Variants in TCF4 observed in about 807,000 individuals in gnomAD.
TCF4 encodes the protein SL3-3 enhancer factor 2.
TCF4 carries 3 observed loss-of-function variants against 82.1 expected under a neutral mutation model. The observed-to-expected ratio is 0.04, with a 90% CI of 0.02 to 0.09. The LOEUF (loss-of-function observed/expected upper bound fraction) is 0.09, where lower values mean the gene tolerates loss of function less well. Ranked by LOEUF, TCF4 falls within the 10% of genes least tolerant of loss-of-function variation. TCF4 has a pLI of 1.00. For missense variants in TCF4, 518 were observed against 852.7 expected (o/e 0.61, Z 4.89); for synonymous variants, 276 against 309.6 (o/e 0.89, Z 1.14).
At chr18:55,367,820 AATAG>A (rs1330610528) in intron 6 of TCF4, among the ~76,000 whole-genome samples, 1 of 152,270 alleles carries the variant, frequency 6.6e-6, no homozygotes, top group Non-Finnish European at 1.5e-5. Flanking sequence ...ATGAATGATT[AATAG>A]ATAGTTAAAC....
chr18:55,441,401 G>C (rs566631129), intron 5 of TCF4, among the ~76,000 whole-genome samples: 2 of 152,178 alleles, frequency 1.3e-5, no homozygotes, highest in East Asian at 3.9e-4. Context: ...GTACATTCAC[G>C]ATCACTATTT....
chr18:55,407,667 A>G (rs1461658863), intron 5 of TCF4, among the ~76,000 whole-genome samples: 2 of 144,006 alleles, frequency 1.4e-5, no homozygotes, highest in East Asian at 4.1e-4. Context: ...AAAAAAAAAA[A>G]GTCAATGTTT....
intron 5 of TCF4, among the ~76,000 whole-genome samples, chr18:55,447,043 G>A (rs1280136156): frequency 6.6e-6 from 1 of 151,760 alleles, no homozygotes; most frequent in Non-Finnish European, 1.5e-5. Flanking sequence ...GGACACAGTG[G>A]CTCACACTTG....
At chr18:55,310,114 G>A (rs985286755) in intron 8 of TCF4, among the ~76,000 whole-genome samples, 3 of 152,186 alleles carry the variant, frequency 2.0e-5, no homozygotes, top group Non-Finnish European at 4.4e-5. Flanking sequence ...ACTTATAGAT[G>A]GTTACAGATG....
At chr18:55,403,810 CTT>C in intron 5 of TCF4, 1 of 1,501,692 alleles carries the variant, frequency 6.7e-7, no homozygotes, top group East Asian at 2.5e-5. Flanking sequence ...CTTATTTTCA[CTT>C]TCTCTTGCAC....
At chr18:55,305,321 C>T (rs1022643461) in intron 8 of TCF4, among the ~76,000 whole-genome samples, 9 of 152,036 alleles carry the variant, frequency 5.9e-5, no homozygotes, top group African/African-American at 2.2e-4. Flanking sequence ...TACAATTTTT[C>T]GATCTAAGTA....
At chr18:55,584,989 A>G (rs1222428089) in intron 3 of TCF4, among the ~76,000 whole-genome samples, 2 of 152,164 alleles carry the variant, frequency 1.3e-5, no homozygotes, top group Non-Finnish European at 2.9e-5. Flanking sequence ...CCATGTTAAC[A>G]CTGGTCTTAT....
chr18:55,325,319 T>C (rs191485369), intron 8 of TCF4, among the ~76,000 whole-genome samples: 2 of 152,296 alleles, frequency 1.3e-5, no homozygotes, highest in South Asian at 2.1e-4. Flanking sequence ...TAAAGAATAA[T>C]GCTTTAATTG....
intron 3 of TCF4, among the ~76,000 whole-genome samples, chr18:55,513,369 CTTTT>C (rs71167299): frequency 4.2e-5 from 6 of 142,028 alleles, no homozygotes; most frequent in Admixed American, 2.1e-4. Context: ...TAGCCCTCAG[CTTTT>C]TTTTTTTTTT....
intron 6 of TCF4, among the ~76,000 whole-genome samples, chr18:55,374,628 C>T (rs1362035700): frequency 1.3e-5 from 2 of 151,932 alleles, no homozygotes; most frequent in African/African-American, 2.4e-5. Context: ...TTGCCAGGCG[C>T]GGTGGCTCAC....
intron 3 of TCF4, among the ~76,000 whole-genome samples, chr18:55,527,752 A>G (rs929759115): frequency 2.6e-5 from 4 of 152,080 alleles, no homozygotes; most frequent in African/African-American, 9.7e-5. Context: ...AAATCCAAGA[A>G]TTTTTTTTAG....
intron 8 of TCF4, among the ~76,000 whole-genome samples, chr18:55,338,129 C>T (rs1309430046): frequency 1.3e-5 from 2 of 152,122 alleles, no homozygotes; most frequent in Non-Finnish European, 2.9e-5. Context: ...TTCCCTTAGC[C>T]CATTCTGATG....
intron 3 of TCF4, among the ~76,000 whole-genome samples, chr18:55,549,933 C>T (rs1336005231): frequency 2.0e-5 from 3 of 152,188 alleles, no homozygotes; most frequent in African/African-American, 7.2e-5. Flanking sequence ...GAACTATATA[C>T]AGATAATATC....
At chr18:55,559,835 G>C (rs1395786815) in intron 3 of TCF4, among the ~76,000 whole-genome samples, 1 of 152,006 alleles carries the variant, frequency 6.6e-6, no homozygotes, top group South Asian at 2.1e-4. Flanking sequence ...GGTTGTACTA[G>C]GAAAAACATG....
rs140443932 is a variant in TCF4, at chr18:55,237,963, G to A, written c.1351-3280C>T. Among the ~76,000 whole-genome samples, 725 of 152,328 alleles carry A rather than the reference G, an allele frequency of 4.8e-3. 2 individuals are homozygous for A. The highest frequency in any genetic ancestry group is 0.01 in the Middle Eastern group (3 of 292). On this transcript the variant is annotated intron_variant, in intron 15 of 19. Coordinates refer to ENST00000354452, the MANE Select transcript of TCF4 (RefSeq NM_001083962.2). Reference sequence around the variant, plus strand: ...AGAAATAGATGGAGAAACTCACACTGTTCTCTGTATATACAAGGGTCAGGG... The same window carrying A: ...AGAAATAGATGGAGAAACTCACACTATTCTCTGTATATACAAGGGTCAGGG...
chr18:55,326,999 G>GACAC (rs147081158), intron 8 of TCF4, among the ~76,000 whole-genome samples: 5 of 152,040 alleles, frequency 3.3e-5, no homozygotes, highest in South Asian at 2.1e-4. Context: ...CAGACAGACA[G>GACAC]ACACACACAC....
intron 3 of TCF4, among the ~76,000 whole-genome samples, chr18:55,529,278 A>G (rs1306763636): frequency 6.6e-6 from 1 of 152,242 alleles, no homozygotes; most frequent in East Asian, 1.9e-4. Flanking sequence ...TGATTTTGAT[A>G]CCAATAAAAT....
chr18:55,295,582 C>T (rs970961575), intron 8 of TCF4, among the ~76,000 whole-genome samples: 12 of 152,188 alleles, frequency 7.9e-5, no homozygotes, highest in African/African-American at 2.9e-4. Context: ...TCCGTCTTGA[C>T]TTTTAAATTC....
intron 3 of TCF4, among the ~76,000 whole-genome samples, chr18:55,566,793 C>T (rs2097412050): frequency 6.6e-6 from 1 of 151,952 alleles, no homozygotes; most frequent in East Asian, 1.9e-4. Context: ...AAGAAGAGAA[C>T]AGAATGAATA....
Sources: gnomAD v4.1 joint callset for allele counts (sites outside exome capture counted in the v4.1 genomes callset) on GRCh38, gnomAD v4.1.1 for gene constraint, MANE v1.5 for transcripts, NCBI Gene and HGNC (gene_info 2026-07-23, HGNC 2026-07-21) for gene names.